Variants in TYRP1 observed in about 807,000 individuals in gnomAD.
The protein encoded by TYRP1 is tyrosinase related protein 1, also known as 5,6-dihydroxyindole-2-carboxylic acid oxidase.
In TYRP1, 49 loss-of-function variants were observed where a neutral mutation model predicts 42.8. The observed-to-expected ratio is 1.14, with a 90% CI of 0.91 to 1.45. TYRP1 has a LOEUF of 1.45. TYRP1 is among the 40% of genes most tolerant of loss of function. The probability of loss-of-function intolerance (pLI) is 0.00; values close to 1 mark genes in which losing one functional copy is unlikely to be tolerated. For synonymous variants in TYRP1, 279 were observed against 235.4 expected (o/e 1.19, Z -1.69); for missense variants, 848 against 662.0 (o/e 1.28, Z -3.08).
intron 2 of TYRP1, 82 bp downstream of exon 2, chr9:12,694,463 G>A: frequency 6.7e-7 from 1 of 1,502,886 alleles, no homozygotes; most frequent in South Asian, 1.2e-5. Flanking sequence ...TTGAGCTGGA[G>A]GAATACCTGG....
chr9:12,698,431 A>G lies in TYRP1; in HGVS notation c.709-20A>G, dbSNP rs1193049953. 5 of 1,603,870 alleles carry G rather than the reference A, an allele frequency of 3.1e-6. No individual in the cohort carries two copies. The African/African-American group carries it at 5.4e-5, about 17-fold the overall frequency. On this transcript the variant is annotated intron_variant, in intron 3 of 7. Coordinates refer to ENST00000388918, the MANE Select transcript of TYRP1 (RefSeq NM_000550.3). The stretch of plus-strand genomic sequence containing the variant: ...TTGTAAACAGAAGCAGAGAGTATTA[A>G]TGTGGTTTCTGTGATCTAGGAAATG...
chr9:12,706,669 T>A (rs971699807), intron 6 of TYRP1, among the ~76,000 whole-genome samples: 3 of 151,998 alleles, frequency 2.0e-5, no homozygotes, highest in Admixed American at 6.6e-5. Context: ...AAAGCTAAGC[T>A]GAAACAATTA....
At chr9:12,698,071 A>G (rs915254758) in intron 3 of TYRP1, among the ~76,000 whole-genome samples, 17 of 152,164 alleles carry the variant, frequency 1.1e-4, no homozygotes, top group African/African-American at 4.1e-4. Flanking sequence ...TGAATTAAAG[A>G]TAGGAAAATG....
At position 12,708,030 on chromosome 9, in the gene TYRP1, T is replaced by A; in HGVS notation, c.1295T>A (p.Ile432Asn). ...ACATTTCCATTGGAAAATGCCCCTA[T>A]TGGACATAATAGACAATACAACATG... ...ISTFPLENAP[I>N]GHNRQYNMVP... The change falls in exon 7 of 8, where the codon ATT (isoleucine) becomes AAT (asparagine). Residue 432 changes from isoleucine to asparagine, a missense_variant. Ile to Asn is a moderately radical substitution (Grantham distance 149, BLOSUM62 -3). Coordinates refer to ENST00000388918, the MANE Select transcript of TYRP1 (RefSeq NM_000550.3). 6.2e-7 allele frequency: 1 copy of A among 1,612,520 alleles called. No individual in the cohort carries two copies. The highest frequency in any genetic ancestry group is 8.5e-7 in the Non-Finnish European group (1 of 1,179,090).
intron 4 of TYRP1, chr9:12,700,217 C>G (rs1818143686): frequency 6.6e-6 from 1 of 151,940 alleles, no homozygotes. Flanking sequence ...TACTGTTCTT[C>G]TTTAATGATC....
At position 12,694,025 on chromosome 9, in the gene TYRP1, G is replaced by A; in HGVS notation, c.29G>A (p.Gly10Asp). ...AGTGCTCCTAAACTCCTCTCTCTGG[G>A]CTGTATCTTCTTCCCCTTGCTACTT... MSAPKLLSL[G>D]CIFFPLLLFQ... Residue 10 changes from glycine to aspartate, a missense_variant, in exon 2 of 8, where the codon GGC becomes GAC. Physicochemically the swap from Gly to Asp is moderately conservative, Grantham distance 94. Transcript: ENST00000388918. 3 of 1,613,890 alleles carry A rather than the reference G, an allele frequency of 1.9e-6. No individual in the cohort carries two copies. The highest frequency in any genetic ancestry group is 2.5e-6 in the Non-Finnish European group (3 of 1,180,000).
intron 3 of TYRP1, 32 bp from the exon 4 acceptor site, chr9:12,698,419 C>A (rs1366601401): frequency 6.3e-7 from 1 of 1,577,874 alleles, no homozygotes; most frequent in African/African-American, 1.3e-5. Flanking sequence ...TAAACAGAAG[C>A]AGAGAGTATT....
intron 1 of TYRP1, 120 bp from the exon 2 acceptor site, chr9:12,693,792 A>T: frequency 1.7e-6 from 1 of 585,458 alleles, no homozygotes; most frequent in Non-Finnish European, 3.0e-6. Context: ...CACTTTTATT[A>T]TTTGTGTGAA....
At position 12,709,367 on chromosome 9, in the gene TYRP1, T is replaced by C. The variant is rs1818318976; in HGVS notation, c.*185T>C. ...ACCCTTTCAGAATCTTTTCAATGGG[T>C]TTTAATTTTCAGTTCTATTTAAAAT... On this transcript the variant is annotated 3_prime_UTR_variant, in exon 8 of 8. Transcript: ENST00000388918. 1 of 628,234 alleles carries C rather than the reference T, an allele frequency of 1.6e-6. No homozygotes were observed. The highest frequency in any genetic ancestry group is 2.7e-5 in the Admixed American group (1 of 36,596). The allele number at this position is 628,234 out of a possible 1,614,324, so 38.9% of individuals were successfully genotyped here. A position where few individuals can be genotyped will look rare whatever the true frequency, so the allele number is the denominator to read the frequency against.
At chr9:12,694,724 A>C (rs192480535) in intron 2 of TYRP1, among the ~76,000 whole-genome samples, 18 of 152,304 alleles carry the variant, frequency 1.2e-4, no homozygotes, top group African/African-American at 3.4e-4. Flanking sequence ...TCAAATCCAC[A>C]CAGGTGATAT....
In TYRP1 at chr9:12,695,850, C is replaced by T. The variant is rs780350843; in HGVS notation, c.708+13C>T. The T allele has an allele frequency of 3.1e-6, 5 of 1,613,106 alleles. No individual in the cohort carries two copies. The highest frequency in any genetic ancestry group is 3.3e-5 in the Admixed American group (2 of 59,974). On this transcript the variant is annotated intron_variant, in intron 3 of 7. Transcript: ENST00000388918. Reference sequence around the variant, plus strand: ...GAAAGACATGCAGGTATGTAAGAAGCATTTCAGTTTGCAGACTCTTTACAG... The same window carrying T: ...GAAAGACATGCAGGTATGTAAGAAGTATTTCAGTTTGCAGACTCTTTACAG...
At chr9:12,693,634 C>T (rs962679163) in intron 1 of TYRP1, among the ~76,000 whole-genome samples, 156 bp downstream of exon 1, 3 of 150,400 alleles carry the variant, frequency 2.0e-5, no homozygotes, top group Non-Finnish European at 4.4e-5. Context: ...TGATGGTGAC[C>T]TGCTAATTCA....
chr9:12,708,339 T>C (rs1240061752), intron 7 of TYRP1, among the ~76,000 whole-genome samples, 196 bp downstream of exon 7: 2 of 151,962 alleles, frequency 1.3e-5, no homozygotes, highest in African/African-American at 4.8e-5. Flanking sequence ...ATTGATCTTA[T>C]TGTACAGCAC....
At chr9:12,705,828 C>T (rs940179838) in intron 6 of TYRP1, among the ~76,000 whole-genome samples, 1 of 149,580 alleles carries the variant, frequency 6.7e-6, no homozygotes. Context: ...GCCTGGCTGA[C>T]AGAGACAGAG....
At chr9:12,704,353 T>C (rs1554648078) in intron 5 of TYRP1, among the ~76,000 whole-genome samples, 173 bp from the exon 6 acceptor site, 1 of 152,036 alleles carries the variant, frequency 6.6e-6, no homozygotes, top group Non-Finnish European at 1.5e-5. Context: ...GCTCTGGGTA[T>C]AGCAAACAAA....
Position 12,694,076 on chromosome 9 carries a change from C to G in TYRP1, c.80C>G (p.Pro27Arg), listed in dbSNP as rs373327120. ...TTTCAGCAGGCCCGGGCTCAATTCC[C>G]AAGACAGTGTGCCACTGTTGAGGCT... Reference protein sequence around the residue: ...LLFQQARAQFPRQCATVEALR... With the variant: ...LLFQQARAQFRRQCATVEALR... The change falls in exon 2 of 8, where the codon CCA becomes CGA. Residue 27 changes from proline (P) to arginine (R), a missense_variant. Physicochemically the swap from Pro to Arg is moderately radical, Grantham distance 103. Transcript: ENST00000388918. The G allele has an allele frequency of 5.0e-5, 80 of 1,613,886 alleles. No individual in the cohort carries two copies. Among genetic ancestry groups the G allele is most frequent in the Non-Finnish European group, 6.4e-5 (75 of 1,180,018 alleles).
chr9:12,701,802 C>T (rs936660335), intron 4 of TYRP1: 1 of 151,062 alleles, frequency 6.6e-6, no homozygotes, highest in African/African-American at 2.4e-5. Flanking sequence ...ATATGTATCA[C>T]TTTCCAAAGA....
Position 12,709,165 on chromosome 9 carries a change from A to C in TYRP1, c.1597A>C (p.Asn533His). 6.2e-7 allele frequency: 1 copy of C among 1,612,418 alleles called. No individual in the cohort carries two copies. The highest frequency in any genetic ancestry group is 8.5e-7 in the Non-Finnish European group (1 of 1,178,880). ...AGAATATGAAAAACTCCAGAATCCT[A>C]ATCAGTCTGTGGTCTAACAAATGCC... ...AEEYEKLQNP[N>H]QSVV The change falls in exon 8 of 8, where the codon AAT becomes CAT. Residue 533 changes from asparagine to histidine, a missense_variant. Physicochemically the swap from Asn to His is moderately conservative, Grantham distance 68. Coordinates refer to ENST00000388918, the MANE Select transcript of TYRP1 (RefSeq NM_000550.3).
In TYRP1 at chr9:12,695,587, G is replaced by A. The variant is rs373765858; in HGVS notation, c.458G>A (p.Arg153His). The change falls in exon 3 of 8, where the codon CGC becomes CAC. Residue 153 changes from arginine to histidine, a missense_variant. By Grantham distance (29) the Arg-to-His change is conservative. Coordinates refer to ENST00000388918, the MANE Select transcript of TYRP1 (RefSeq NM_000550.3). ...GTCCGGGCCCTGGATATGGCAAAGC[G>A]CACAACTCACCCTTTATTTGTCATT... ...HFVRALDMAK[R>H]TTHPLFVIAT... 1.7e-5 allele frequency: 27 copies of A among 1,613,996 alleles called. No individual in the cohort carries two copies. The highest frequency in any genetic ancestry group is 2.2e-5 in the South Asian group (2 of 91,090).
Sources: allele counts gnomAD v4.1 joint callset (sites outside exome capture counted in the v4.1 genomes callset), GRCh38; gene constraint gnomAD v4.1.1; transcripts MANE v1.5; gene names NCBI Gene and HGNC (gene_info 2026-07-23, HGNC 2026-07-21).